The following RNF6 variants were observed in gnomAD, a reference collection of about 807,000 sequenced individuals.
RNF6 encodes E3 ubiquitin-protein ligase RNF6.
RNF6 carries 21 observed loss-of-function variants against 50.1 expected under a neutral mutation model. That is an observed-to-expected ratio of 0.42 (90% CI 0.30 to 0.60). The LOEUF is 0.60. Ranked by LOEUF, RNF6 falls within the 20% of genes least tolerant of loss-of-function variation. The pLI is 0.20. For synonymous variants in RNF6, 255 were observed against 291.8 expected (o/e 0.87, Z 1.29); for missense variants, 698 against 838.2 (o/e 0.83, Z 2.07).
At chr13:26,154,731 C>T (rs1467065578) in intron 5 of RNF6, among the ~76,000 whole-genome samples, 2 of 152,102 alleles carry the variant, frequency 1.3e-5, no homozygotes. Context: ...GCTTGTAATA[C>T]TTACGACAAA....
At chr13:26,143,417 G>T (rs1871062662) in intron 5 of RNF6, among the ~76,000 whole-genome samples, 1 of 152,284 alleles carries the variant, frequency 6.6e-6, no homozygotes, top group African/African-American at 2.4e-5. Flanking sequence ...CCATATGGCA[G>T]CCTAAACTCC....
intron 5 of RNF6, among the ~76,000 whole-genome samples, chr13:26,204,116 T>G (rs7317124): frequency 0.44 from 66,633 of 151,846 alleles, 15,563 homozygotes; most frequent in Middle Eastern, 0.52. Context: ...CAACAAGTGT[T>G]TCCCCAATAA....
chr13:26,214,203 G>A lies in RNF6; in HGVS notation c.1679C>T (p.Thr560Ile), dbSNP rs767960753. ...HGENETTQPH[T>I]RNSDSRGGRQ... Reference sequence around the variant, plus strand: ...GCCACCCCTACTGTCACTGTTTCGAGTATGAGGCTGGGTGGTCTCGTTTTC... The same window carrying A: ...GCCACCCCTACTGTCACTGTTTCGAATATGAGGCTGGGTGGTCTCGTTTTC... Residue 560 changes from threonine to isoleucine, a missense_variant, in exon 5 of 5, where the codon ACT becomes ATT. Physicochemically the swap from Thr to Ile is moderately conservative, Grantham distance 89. Coordinates refer to ENST00000381588, the MANE Select transcript of RNF6 (RefSeq NM_005977.4). 3.7e-6 allele frequency: 6 copies of A among 1,614,198 alleles called. No individual in the cohort carries two copies. The Admixed American group carries it at 1.0e-4, about 27-fold the overall frequency.
intron 5 of RNF6, among the ~76,000 whole-genome samples, chr13:26,141,677 T>C (rs1328932178): frequency 1.3e-5 from 2 of 152,100 alleles, no homozygotes; most frequent in Non-Finnish European, 2.9e-5. Flanking sequence ...TGGTTAACCA[T>C]ATGCAGAAGA....
intron 5 of RNF6, among the ~76,000 whole-genome samples, chr13:26,157,100 G>A (rs1029160118): frequency 2.6e-5 from 4 of 152,090 alleles, no homozygotes; most frequent in African/African-American, 7.2e-5. Context: ...AGTGGGTATG[G>A]GTATAGGGTT....
chr13:26,155,730 T>C (rs765296150), intron 5 of RNF6, among the ~76,000 whole-genome samples: 4 of 152,138 alleles, frequency 2.6e-5, no homozygotes, highest in African/African-American at 4.8e-5. Flanking sequence ...AGTAGGGGAA[T>C]AGACAGAAAG....
chr13:26,156,530 T>C (rs7327409), intron 5 of RNF6, among the ~76,000 whole-genome samples: 103,662 of 152,044 alleles, frequency 0.68, 35,905 homozygotes, highest in East Asian at 0.83. Context: ...GTGCATATTA[T>C]TGTGTGTTAT....
chr13:26,135,769 T>TG (rs1053754792), intron 5 of RNF6, among the ~76,000 whole-genome samples: 15 of 152,138 alleles, frequency 9.9e-5, no homozygotes, highest in African/African-American at 3.4e-4. Context: ...GTTTGCATCA[T>TG]GGGGGTGGAT....
intron 5 of RNF6, among the ~76,000 whole-genome samples, chr13:26,139,358 C>T (rs1870815298): frequency 6.6e-6 from 1 of 152,152 alleles, no homozygotes; most frequent in Non-Finnish European, 1.5e-5. Flanking sequence ...CCAATAAATG[C>T]TCTGGCCTAG....
chr13:26,200,964 C>T (rs929245065), intron 5 of RNF6, among the ~76,000 whole-genome samples: 13 of 152,246 alleles, frequency 8.5e-5, no homozygotes, highest in Admixed American at 5.9e-4. Context: ...CCATATGATT[C>T]AGCAATTCTG....
At chr13:26,184,573 G>A (rs1331531288) in intron 5 of RNF6, among the ~76,000 whole-genome samples, 3 of 152,186 alleles carry the variant, frequency 2.0e-5, no homozygotes, top group Non-Finnish European at 2.9e-5. Context: ...CTTGACATAT[G>A]AGAACAGATT....
chr13:26,182,395 T>A lies in RNF6; in HGVS notation n.768+33079A>T, dbSNP rs1593172007. On this transcript the variant is annotated intron_variant and non_coding_transcript_variant, in intron 5 of 5. Coordinates refer to the RNF6 transcript ENST00000468480. ...ACATAGGACAGAATGCCCTCCTCAATGAATCACATCAGGGGTTATAAAATA... is the reference window on the plus strand; with the variant it reads ...ACATAGGACAGAATGCCCTCCTCAAAGAATCACATCAGGGGTTATAAAATA... 2.0e-5 allele frequency among the ~76,000 whole-genome samples: 3 copies of A among 152,308 alleles called. No homozygotes were observed. In the South Asian group the frequency reaches 6.2e-4, roughly 32 times the overall value.
intron 5 of RNF6, among the ~76,000 whole-genome samples, chr13:26,188,623 C>CTTTTTTT (rs1163881143): frequency 0.023 from 1,008 of 43,262 alleles, 281 homozygotes; most frequent in African/African-American, 0.052. Flanking sequence ...GTCAAAAGAG[C>CTTTTTTT]TTTTTTTTTT....
intron 5 of RNF6, among the ~76,000 whole-genome samples, chr13:26,140,573 C>G (rs574060937): frequency 6.6e-6 from 1 of 152,158 alleles, no homozygotes; most frequent in Non-Finnish European, 1.5e-5. Flanking sequence ...GGAACTGGAA[C>G]AGACAAGGAT....
chr13:26,140,061 A>G (rs116082471), intron 5 of RNF6, among the ~76,000 whole-genome samples: 1,809 of 152,316 alleles, frequency 0.012, 37 homozygotes, highest in African/African-American at 0.041. Flanking sequence ...AAATATGTCT[A>G]CAAACTTGCT....
Position 26,213,862 on chromosome 13 carries a change from G to A in RNF6, c.2020C>T (p.Gln674Ter), listed in dbSNP as rs1437747151. 1 of 1,613,554 alleles carries A rather than the reference G, an allele frequency of 6.2e-7. No individual in the cohort carries two copies. The highest frequency in any genetic ancestry group is 8.5e-7 in the Non-Finnish European group (1 of 1,179,616). ...SENCTCPICR[Q>*]PVLGSNIANN... ...GCTATGTTAGACCCTAAAACAGGCTGCCGACAGATCGGACAAGTGCAATTC... is the reference window on the plus strand; with the variant it reads ...GCTATGTTAGACCCTAAAACAGGCTACCGACAGATCGGACAAGTGCAATTC... Residue 674 changes from glutamine to a stop codon, truncating the protein, a stop_gained, in exon 5 of 5, where the codon CAG (glutamine) becomes TAG (stop). Coordinates refer to ENST00000381588, the MANE Select transcript of RNF6 (RefSeq NM_005977.4). LOFTEE classifies it high-confidence loss of function.
chr13:26,173,587 C>G (rs899466714), intron 5 of RNF6, among the ~76,000 whole-genome samples: 3 of 151,728 alleles, frequency 2.0e-5, no homozygotes, highest in Non-Finnish European at 4.4e-5. Flanking sequence ...AAATCATGCA[C>G]AACACATTCA....
At position 26,222,171 on chromosome 13, in the gene RNF6, G is replaced by T. The variant is rs2277426; in HGVS notation, c.-270C>A. The T allele has an allele frequency of 0.023, 3,485 of 152,520 alleles. 100 individuals are homozygous for T. Among genetic ancestry groups the T allele is most frequent in the South Asian group, 0.079 (382 of 4,838 alleles). The allele number at this position is 152,520 out of a possible 1,614,324, so 9.4% of individuals were successfully genotyped here. On this transcript the variant is annotated 5_prime_UTR_variant, in exon 1 of 5. Coordinates refer to ENST00000381588, the MANE Select transcript of RNF6 (RefSeq NM_005977.4). ...CACTGAGGAGAGAAGCCGGAAGCCC[G>T]TGCTGCAGCGTGGGGTCGTCCAGCT...
At chr13:26,171,276 A>T (rs1207740815) in intron 5 of RNF6, among the ~76,000 whole-genome samples, 2 of 152,246 alleles carry the variant, frequency 1.3e-5, no homozygotes, top group Non-Finnish European at 2.9e-5. Flanking sequence ...TAAATGGTCA[A>T]TGAGCACATG....
Sources: gnomAD v4.1 joint callset for allele counts (sites outside exome capture counted in the v4.1 genomes callset) on GRCh38, gnomAD v4.1.1 for gene constraint, MANE v1.5 for transcripts, NCBI Gene and HGNC (gene_info 2026-07-23, HGNC 2026-07-21) for gene names.